The following EVA1C variants were observed in gnomAD, a reference collection of about 807,000 sequenced individuals.
EVA1C encodes eva-1 homolog C, also known as protein eva-1 homolog C.
Under a neutral mutation model 45.4 loss-of-function variants are expected in EVA1C, and 25 were observed. That is an observed-to-expected ratio of 0.55 (90% CI 0.40 to 0.77). EVA1C has a LOEUF of 0.77. Ranked by LOEUF, EVA1C falls within the 30% of genes least tolerant of loss-of-function variation. The pLI, the probability that EVA1C is intolerant of heterozygous loss-of-function variation, is 0.00. For synonymous variants in EVA1C, 190 were observed against 221.2 expected, an observed-to-expected ratio of 0.86 and a Z score of 1.25; for missense variants, 479 against 554.8, an observed-to-expected ratio of 0.86 and a Z score of 1.37.
intron 1 of EVA1C, among the ~76,000 whole-genome samples, chr21:32,419,794 A>G (rs1175222615): frequency 1.4e-5 from 2 of 139,556 alleles, no homozygotes; most frequent in Non-Finnish European, 3.1e-5. Context: ...TGGACCAAGA[A>G]GGTGGGAGCG....
intron 7 of EVA1C, among the ~76,000 whole-genome samples, chr21:32,513,103 TGTAA>T (rs1314855609): frequency 2.0e-5 from 3 of 149,366 alleles, no homozygotes; most frequent in African/African-American, 7.4e-5. Flanking sequence ...ACTATATTAT[TGTAA>T]GTATTATAAT....
intron 1 of EVA1C, among the ~76,000 whole-genome samples, chr21:32,450,837 A>C (rs1207121803): frequency 6.6e-6 from 1 of 152,154 alleles, no homozygotes; most frequent in Non-Finnish European, 1.5e-5. Flanking sequence ...GCAATGATGT[A>C]GTTCCAAGGG....
chr21:32,455,558 C>A (rs2071136250), intron 2 of EVA1C, among the ~76,000 whole-genome samples: 1 of 152,176 alleles, frequency 6.6e-6, no homozygotes, highest in African/African-American at 2.4e-5. Flanking sequence ...TTCTCAGCCA[C>A]CTGCCCTGGC....
chr21:32,497,188 T>G (rs1389694319), intron 5 of EVA1C: 7 of 797,814 alleles, frequency 8.8e-6, no homozygotes, highest in Non-Finnish European at 1.6e-5. Context: ...TTGGAATGAA[T>G]GGAAGAGTAT....
chr21:32,459,838 CAAAAAAAAAA>C (rs35572319), intron 3 of EVA1C, among the ~76,000 whole-genome samples: 3 of 63,184 alleles, frequency 4.7e-5, no homozygotes, highest in Non-Finnish European at 9.5e-5. Context: ...GAGACTGTCT[CAAAAAAAAAA>C]AAAAAAAAAA....
chr21:32,447,467 C>T (rs147246673), intron 1 of EVA1C, among the ~76,000 whole-genome samples: 134 of 152,244 alleles, frequency 8.8e-4, no homozygotes, highest in African/African-American at 3.1e-3. Context: ...GCCTCTTTCA[C>T]TTTAACTCAA....
At chr21:32,444,053 AAC>A (rs60086580) in intron 1 of EVA1C, among the ~76,000 whole-genome samples, 17,745 of 139,672 alleles carry the variant, frequency 0.13, 1,131 homozygotes, top group African/African-American at 0.17. Context: ...ATTGTGTGAA[AAC>A]ACACACACAC....
At chr21:32,451,343 G>T (rs575950389) in intron 1 of EVA1C, among the ~76,000 whole-genome samples, 2 of 152,224 alleles carry the variant, frequency 1.3e-5, no homozygotes, top group South Asian at 4.2e-4. Flanking sequence ...CCTCCCAGCC[G>T]CCTCGCTGTG....
chr21:32,453,288 G>A, intron 1 of EVA1C, 24 bp from the exon 2 acceptor site: 1 of 1,571,698 alleles, frequency 6.4e-7, no homozygotes, highest in Non-Finnish European at 8.7e-7. Flanking sequence ...TGGGCCTCTA[G>A]TAACTCGACT....
Position 32,480,701 on chromosome 21 carries a change from G to A in EVA1C, c.634+12853G>A, listed in dbSNP as rs556078967. ...TTTTTTGCCGGACACAGTGGCTCAC[G>A]CCTATAATCCCAGCACTTTGGGAAG... On this transcript the variant is annotated intron_variant, in intron 4 of 7. Transcript: ENST00000300255. Among the ~76,000 whole-genome samples the A allele has an allele frequency of 5.3e-5, 8 of 152,020 alleles. No individual in the cohort carries two copies. In the South Asian group the frequency reaches 6.2e-4, roughly 12 times the overall value.
At chr21:32,457,527 C>G (rs1022363537) in intron 2 of EVA1C, 70 bp from the exon 3 acceptor site, 2 of 1,600,942 alleles carry the variant, frequency 1.2e-6, no homozygotes, top group Admixed American at 3.3e-5. Flanking sequence ...CCCAGAGCAG[C>G]CCAGGTTCGG....
At chr21:32,475,251 A>G (rs938905677) in intron 4 of EVA1C, among the ~76,000 whole-genome samples, 1 of 152,234 alleles carries the variant, frequency 6.6e-6, no homozygotes. Context: ...GTGTCTCTCC[A>G]TGGTCAGGGA....
chr21:32,412,191 A>G (rs2033845093), upstream of EVA1C: 1 of 152,044 alleles, frequency 6.6e-6, no homozygotes, highest in East Asian at 1.9e-4. Context: ...AATGGCGATA[A>G]CTGTATGTGC....
chr21:32,430,568 C>T (rs1292849378), intron 1 of EVA1C, among the ~76,000 whole-genome samples: 2 of 152,076 alleles, frequency 1.3e-5, no homozygotes, highest in Non-Finnish European at 2.9e-5. Flanking sequence ...CTCACAGATC[C>T]ACGTGACTGG....
At chr21:32,429,579 C>G (rs1010377618) in intron 1 of EVA1C, among the ~76,000 whole-genome samples, 4 of 152,064 alleles carry the variant, frequency 2.6e-5, no homozygotes, top group African/African-American at 9.7e-5. Flanking sequence ...GTCTCAAACT[C>G]CTGACCTCAG....
intron 1 of EVA1C, among the ~76,000 whole-genome samples, chr21:32,416,816 A>C (rs993683550): frequency 7.2e-5 from 11 of 152,178 alleles, no homozygotes; most frequent in South Asian, 4.1e-4. Flanking sequence ...TCCACATTTG[A>C]TTTTGTCCTA....
Position 32,412,939 on chromosome 21 carries a change from G to T in EVA1C, c.86G>T (p.Gly29Val). Residue 29 changes from glycine to valine, a missense_variant, in exon 1 of 8, where the codon GGG becomes GTG. Gly to Val is a moderately radical substitution (Grantham distance 109). This residue lies in a region of EVA1C where 80 missense variants were observed against 63.8 expected (regional missense o/e 1.25). Coordinates refer to ENST00000300255, the MANE Select transcript of EVA1C (RefSeq NM_058187.5). ...CTCCGCCGGCAGGTAGAGCCGCCGG[G>T]GCAGCTCCTGCGCCTCTTCTACTGC... Reference protein sequence around the residue: ...PGLRRQVEPPGQLLRLFYCTV... With the variant: ...PGLRRQVEPPVQLLRLFYCTV... The T allele has an allele frequency of 6.5e-7, 1 of 1,543,170 alleles. No homozygotes were observed.
chr21:32,424,703 C>G (rs898123945), intron 1 of EVA1C, among the ~76,000 whole-genome samples: 3 of 152,214 alleles, frequency 2.0e-5, no homozygotes, highest in African/African-American at 7.2e-5. Context: ...CTCTGTGGAA[C>G]TGGTCACGGC....
intron 7 of EVA1C, among the ~76,000 whole-genome samples, chr21:32,510,096 G>A (rs1183265417): frequency 6.7e-6 from 1 of 148,662 alleles, no homozygotes; most frequent in Non-Finnish European, 1.5e-5. Context: ...ACCCAGGTTG[G>A]AGTGCAGTGG....
Sources: allele counts gnomAD v4.1 joint callset (sites outside exome capture counted in the v4.1 genomes callset), GRCh38; gene constraint gnomAD v4.1.1; regional missense constraint gnomAD v4.1.1; transcripts MANE v1.5; gene names NCBI Gene and HGNC (gene_info 2026-07-23, HGNC 2026-07-21).